Variants in APOBEC3H observed in about 807,000 individuals in gnomAD.
APOBEC3H encodes DNA dC->dU-editing enzyme APOBEC-3H.
A neutral mutation model predicts 21.2 loss-of-function variants in APOBEC3H; 8 were observed. The ratio of observed to expected loss-of-function variants is 0.38; its 90% CI spans 0.22 to 0.68. The LOEUF (loss-of-function observed/expected upper bound fraction) is 0.68. Among genes scored for constraint, APOBEC3H ranks in the 30% least tolerant of loss-of-function variants. The pLI, the probability that APOBEC3H is intolerant of heterozygous loss-of-function variation, is 0.52. For missense variants in APOBEC3H, 229 were observed against 228.1 expected, an observed-to-expected ratio of 1.00 and a Z score of -0.03; for synonymous variants, 88 against 91.0, an observed-to-expected ratio of 0.97 and a Z score of 0.19.
At chr22:39,098,233 C>G (rs6001429) in intron 1 of APOBEC3H, among the ~76,000 whole-genome samples, 3 of 152,182 alleles carry the variant, frequency 2.0e-5, no homozygotes, top group Non-Finnish European at 2.9e-5. Flanking sequence ...AAGTGCTACC[C>G]TGATTTTTTG....
intron 1 of APOBEC3H, among the ~76,000 whole-genome samples, chr22:39,098,717 CCTTCT>C (rs1283298992): frequency 6.6e-6 from 1 of 152,108 alleles, no homozygotes; most frequent in Non-Finnish European, 1.5e-5. Context: ...GCCAGCATCT[CCTTCT>C]CTTCTCCTCT....
Position 39,100,346 on chromosome 22 carries a change from A to T in APOBEC3H, c.68A>T (p.Tyr23Phe), listed in dbSNP as rs767272509. Residue 23 changes from tyrosine to phenylalanine, a missense_variant, in exon 2 of 5, where the codon TAC becomes TTC. Physicochemically the swap from Tyr to Phe is conservative, Grantham distance 22 (BLOSUM62 3). Transcript: ENST00000442487. ...AACAAGCGCCGCCTCAGAAGGCCTT[A>T]CTACCCGAGGAAGGCCCTCTTGTGT... ...FNNKRRLRRP[Y>F]YPRKALLCYQ... is the part of the protein sequence containing the mutation. The T allele has an allele frequency of 5.6e-6, 9 of 1,614,124 alleles. No homozygotes were observed. The East Asian group carries it at 2.0e-4, about 36-fold the overall frequency.
intron 4 of APOBEC3H, 149 bp from the exon 5 acceptor site, chr22:39,103,540 G>A (rs1464341678): frequency 3.8e-6 from 3 of 780,360 alleles, no homozygotes; most frequent in African/African-American, 1.7e-5. Context: ...AGATGCTCTT[G>A]TCACCTCCGT....
At position 39,101,472 on chromosome 22, in the gene APOBEC3H, C is replaced by A; in HGVS notation, c.386C>A (p.Ser129Tyr). 1.2e-6 allele frequency: 2 copies of A among 1,610,876 alleles called. No homozygotes were observed. The highest frequency in any genetic ancestry group is 1.7e-6 in the Non-Finnish European group (2 of 1,179,442). Residue 129 changes from serine to tyrosine, a missense_variant, in exon 3 of 5, where the codon TCC (serine) becomes TAC (tyrosine). Physicochemically the swap from Ser to Tyr is moderately radical, Grantham distance 144. Transcript: ENST00000442487. ...AAGGGGCTGCGGCTTCTGTGTGGAT[C>A]CCAGGTCCCGGTGGAGGTCATGGGC... ...QQKGLRLLCG[S>Y]QVPVEVMGFP...
chr22:39,101,110 A>C, intron 2 of APOBEC3H, 127 bp from the exon 3 acceptor site: 6 of 890,892 alleles, frequency 6.7e-6, no homozygotes, highest in East Asian at 2.7e-5. Context: ...GCCACGCACT[A>C]GAAAGTTCAC....
rs540213379 is a variant in APOBEC3H at position 39,102,518 on chromosome 22, G to C, written c.543+476G>C. The C allele has an allele frequency of 3.6e-5, 26 of 718,416 alleles. No individual in the cohort carries two copies. In the East Asian group the frequency reaches 4.6e-4, roughly 13 times the overall value. The allele number at this position is 718,416 out of a possible 1,614,324, so 44.5% of individuals were successfully genotyped here. ...CTCCTTCTTGTTCTTTTAGATTCCAGGGGTACGTGCGCAGGGTCGTTACAT... is the reference window on the plus strand; with the variant it reads ...CTCCTTCTTGTTCTTTTAGATTCCACGGGTACGTGCGCAGGGTCGTTACAT... On this transcript the variant is annotated intron_variant, in intron 4 of 4. Coordinates refer to ENST00000442487, the MANE Select transcript of APOBEC3H (RefSeq NM_181773.5).
chr22:39,101,862 C>T, intron 3 of APOBEC3H, 56 bp from the exon 4 acceptor site: 3 of 1,613,094 alleles, frequency 1.9e-6, no homozygotes, highest in South Asian at 1.1e-5. Context: ...AGCAAGAGCT[C>T]CTGGCACTGC....
rs149891597 is a variant in APOBEC3H, at chr22:39,099,054, G to A, written c.-7-1218G>A. Among the ~76,000 whole-genome samples the A allele has an allele frequency of 4.4e-3, 662 of 152,172 alleles. 5 individuals are homozygous for A. Among genetic ancestry groups the A allele is most frequent in the African/African-American group, 0.015 (623 of 41,500 alleles). On this transcript the variant is annotated intron_variant, in intron 1 of 4. Coordinates refer to ENST00000442487, the MANE Select transcript of APOBEC3H (RefSeq NM_181773.5). Reference sequence around the variant, plus strand: ...CTACAAAAATACAAAAATTAGCCGGGCATGAAGGAGGGCGCTTGTAATTCC... The same window carrying A: ...CTACAAAAATACAAAAATTAGCCGGACATGAAGGAGGGCGCTTGTAATTCC...
At position 39,103,810 on chromosome 22, in the gene APOBEC3H, T is replaced by C. The variant is rs1045389067; in HGVS notation, c.*113T>C. On this transcript the variant is annotated 3_prime_UTR_variant, in exon 5 of 5. Transcript: ENST00000442487. ...TCCCTGGGGCATGTCAGTTGCCTCA[T>C]AGCCTGCTGGTCCTGTAAGCAAGCA... 32 of 1,370,902 alleles carry C rather than the reference T, an allele frequency of 2.3e-5. No homozygotes were observed. The South Asian group carries it at 2.7e-4, about 11-fold the overall frequency. The allele number at this position is 1,370,902 out of a possible 1,614,324, so 84.9% of individuals were successfully genotyped here. A position where few individuals can be genotyped will look rare whatever the true frequency, so the allele number is the denominator to read the frequency against.
In APOBEC3H at chr22:39,101,953, G is replaced by A. The variant is rs756866231; in HGVS notation, c.454G>A (p.Glu152Lys). The change falls in exon 4 of 5, where the codon GAG becomes AAG. Residue 152 changes from glutamate (E) to lysine (K), a missense_variant. Coordinates refer to ENST00000442487, the MANE Select transcript of APOBEC3H (RefSeq NM_181773.5). ...CTGCTGGGAAAACTTTGTGGACCAC[G>A]AGAAACCGCTTTCCTTCAACCCCTA... ...ADCWENFVDHEKPLSFNPYKM... is the reference protein window; with the variant it reads ...ADCWENFVDHKKPLSFNPYKM... The A allele has an allele frequency of 5.0e-6, 8 of 1,613,684 alleles. No homozygotes were observed. The highest frequency in any genetic ancestry group is 1.7e-5 in the Admixed American group (1 of 59,966).
At chr22:39,100,494 T>TA (rs1173576273) in intron 2 of APOBEC3H, 66 bp downstream of exon 2, 11 of 1,551,224 alleles carry the variant, frequency 7.1e-6, no homozygotes, top group Non-Finnish European at 9.6e-6. Context: ...GTGCAGAAAA[T>TA]ACATGAAATG....
intron 2 of APOBEC3H, 80 bp downstream of exon 2, chr22:39,100,508 G>C (rs796523982): frequency 6.5e-7 from 1 of 1,527,666 alleles, no homozygotes; most frequent in African/African-American, 1.4e-5. Context: ...TGAAATGCCT[G>C]CCTATAAATT....
intron 4 of APOBEC3H, 95 bp downstream of exon 4, chr22:39,102,137 C>CT: frequency 6.8e-7 from 1 of 1,478,848 alleles, no homozygotes; most frequent in Non-Finnish European, 9.0e-7. Flanking sequence ...TTACCCCTAC[C>CT]TTTTTTTCTT....
At chr22:39,102,118 C>G in intron 4 of APOBEC3H, 76 bp downstream of exon 4, 1 of 1,559,070 alleles carries the variant, frequency 6.4e-7, no homozygotes, top group Non-Finnish European at 8.7e-7. Flanking sequence ...ACACCTCTGC[C>G]CACTGCCCTT....
At chr22:39,101,544 C>T (rs78724870) in intron 3 of APOBEC3H, 40 bp downstream of exon 3, 63,573 of 852,080 alleles carry the variant, frequency 0.075, 1,729 homozygotes, top group East Asian at 0.18. Flanking sequence ...TGCAAACCCC[C>T]GGGGGCACAG....
intron 1 of APOBEC3H, among the ~76,000 whole-genome samples, chr22:39,099,172 C>G (rs937511283): frequency 6.6e-6 from 1 of 152,074 alleles, no homozygotes; most frequent in Non-Finnish European, 1.5e-5. Flanking sequence ...TGAGATTGGA[C>G]CACTGCACTC....
At chr22:39,103,226 G>A (rs1268721671) in intron 4 of APOBEC3H, among the ~76,000 whole-genome samples, 2 of 151,922 alleles carry the variant, frequency 1.3e-5, no homozygotes, top group Non-Finnish European at 2.9e-5. Flanking sequence ...GGTGAAGGCT[G>A]TAGTGAGCTG....
chr22:39,101,562 A>C, intron 3 of APOBEC3H, 58 bp downstream of exon 3: 1 of 467,898 alleles, frequency 2.1e-6, no homozygotes, highest in Non-Finnish European at 3.5e-6. Flanking sequence ...CAGGCTTGGC[A>C]GGGGCTGGGG....
rs1193263287 is a variant in APOBEC3H, at chr22:39,102,021, G to T, written c.522G>T (p.Lys174Asn). Residue 174 changes from lysine to asparagine, a missense_variant, in exon 4 of 5, where the codon AAG becomes AAT. Coordinates refer to ENST00000442487, the MANE Select transcript of APOBEC3H (RefSeq NM_181773.5). ...EELDKNSRAI[K>N]RRLERIKQS is the part of the protein sequence containing the mutation. Reference sequence around the variant, plus strand: ...TAGATAAAAACAGTCGAGCCATAAAGCGACGGCTTGAGAGGATAAAGGTGA... The same window carrying T: ...TAGATAAAAACAGTCGAGCCATAAATCGACGGCTTGAGAGGATAAAGGTGA... 1.2e-6 allele frequency: 2 copies of T among 1,613,806 alleles called. No individual in the cohort carries two copies. The highest frequency in any genetic ancestry group is 1.7e-6 in the Non-Finnish European group (2 of 1,179,934).
Sources: allele counts gnomAD v4.1 joint callset (sites outside exome capture counted in the v4.1 genomes callset), GRCh38; gene constraint gnomAD v4.1.1; transcripts MANE v1.5; gene names NCBI Gene and HGNC (gene_info 2026-07-23, HGNC 2026-07-21).